SNX29: variants seen among roughly 807,000 people sequenced by gnomAD.
The protein encoded by SNX29 is sorting nexin 29, also known as sorting nexin-29.
SNX29 carries 78 observed loss-of-function variants against 102.1 expected under a neutral mutation model. The observed-to-expected ratio is 0.76, with a 90% confidence interval of 0.64 to 0.92. SNX29 has a LOEUF of 0.92. Ranked by LOEUF, SNX29 falls within the 40% of genes least tolerant of loss-of-function variation. The probability of loss-of-function intolerance (pLI) is 0.00; values close to 1 mark genes in which losing one functional copy is unlikely to be tolerated. For synonymous variants in SNX29, 580 were observed against 414.5 expected (o/e 1.40, Z -4.85); for missense variants, 1,280 against 1,061.7 (o/e 1.21, Z -2.86).
rs557090701 is a variant in SNX29 at position 12,277,830 on chromosome 16, C to T, written c.1679-103C>T. 606 of 911,362 alleles carry T rather than the reference C, an allele frequency of 6.6e-4. 2 individuals carry two copies. Among genetic ancestry groups the T allele is most frequent in the Non-Finnish European group, 5.3e-4 (309 of 585,480 alleles). The allele number at this position is 911,362 out of a possible 1,614,324, so 56.5% of individuals were successfully genotyped here. On this transcript the variant is annotated intron_variant, in intron 14 of 20. Coordinates refer to ENST00000566228, the MANE Select transcript of SNX29 (RefSeq NM_032167.5). ...TGTGTGTTTTTCTTGAGAGCTTTTT[C>T]AGTCTGAAGTCATCTGAGAAAGAAG...
At chr16:12,393,017 C>T (rs1028012916) in intron 16 of SNX29, among the ~76,000 whole-genome samples, 6 of 152,062 alleles carry the variant, frequency 3.9e-5, no homozygotes, top group Admixed American at 6.6e-5. Flanking sequence ...AGAAAGCAAG[C>T]GCATTGGTGG....
intron 18 of SNX29, among the ~76,000 whole-genome samples, chr16:12,406,004 AC>A: frequency 6.6e-6 from 1 of 152,114 alleles, no homozygotes; most frequent in East Asian, 1.9e-4. Context: ...TGCACTCCAG[AC>A]TGGGTGACAA....
At chr16:12,295,718 C>G (rs928967053) in intron 15 of SNX29, among the ~76,000 whole-genome samples, 1 of 152,154 alleles carries the variant, frequency 6.6e-6, no homozygotes, top group Non-Finnish European at 1.5e-5. Context: ...CAACTCTCTG[C>G]CCTGCTTTGA....
intron 8 of SNX29, among the ~76,000 whole-genome samples, chr16:12,054,850 C>G (rs986261593): frequency 2.0e-5 from 3 of 152,204 alleles, no homozygotes; most frequent in African/African-American, 7.2e-5. Flanking sequence ...CATATTATGA[C>G]TTGTGAAATG....
intron 18 of SNX29, among the ~76,000 whole-genome samples, chr16:12,429,149 G>A (rs1373260256): frequency 6.6e-6 from 1 of 152,022 alleles, no homozygotes; most frequent in Non-Finnish European, 1.5e-5. Flanking sequence ...ACATAGATAC[G>A]ATTGCAATTA....
intron 19 of SNX29, among the ~76,000 whole-genome samples, chr16:12,520,242 C>G (rs1255613467): frequency 1.3e-5 from 2 of 152,218 alleles, no homozygotes; most frequent in African/African-American, 4.8e-5. Context: ...ACCCAGGTGT[C>G]AGGCTTCCTC....
intron 16 of SNX29, among the ~76,000 whole-genome samples, chr16:12,383,895 C>G (rs773694863): frequency 6.6e-6 from 1 of 150,650 alleles, no homozygotes; most frequent in Non-Finnish European, 1.5e-5. Flanking sequence ...CCTCTGGTAA[C>G]TATCATTCTA....
intron 3 of SNX29, among the ~76,000 whole-genome samples, chr16:12,014,344 C>T (rs941424537): frequency 5.3e-5 from 8 of 152,090 alleles, no homozygotes; most frequent in African/African-American, 1.7e-4. Context: ...ATTCCTCATC[C>T]GCCAAGAGTA....
chr16:12,238,681 C>A (rs2078011852), intron 14 of SNX29, among the ~76,000 whole-genome samples: 1 of 152,212 alleles, frequency 6.6e-6, no homozygotes, highest in African/African-American at 2.4e-5. Context: ...CATTGCAAAC[C>A]ATGCCAATAA....
chr16:12,536,347 A>G (rs1191612201), intron 20 of SNX29, among the ~76,000 whole-genome samples: 1 of 152,100 alleles, frequency 6.6e-6, no homozygotes, highest in African/African-American at 2.4e-5. Flanking sequence ...AACAAGCCGT[A>G]CTGTCAGGGT....
chr16:12,180,633 G>T (rs1007934176), intron 13 of SNX29, among the ~76,000 whole-genome samples: 2 of 152,022 alleles, frequency 1.3e-5, no homozygotes, highest in East Asian at 3.9e-4. Flanking sequence ...ACAGGCGCCC[G>T]CCACCACGTC....
chr16:12,376,814 A>G (rs994336764), intron 16 of SNX29, among the ~76,000 whole-genome samples: 2 of 151,274 alleles, frequency 1.3e-5, no homozygotes, highest in African/African-American at 2.4e-5. Context: ...CTCTTCTTCA[A>G]TAACGTACTT....
At chr16:12,293,932 C>A (rs76961157) in intron 15 of SNX29, among the ~76,000 whole-genome samples, 5,003 of 152,252 alleles carry the variant, frequency 0.033, 110 homozygotes, top group Middle Eastern at 0.082. Flanking sequence ...CTCTGTGTGG[C>A]GGTATTACTC....
intron 9 of SNX29, among the ~76,000 whole-genome samples, chr16:12,063,170 G>A (rs2151276175): frequency 6.6e-6 from 1 of 152,208 alleles, no homozygotes; most frequent in East Asian, 1.9e-4. Flanking sequence ...GGCGCCTTGA[G>A]TTAATCTGGG....
chr16:12,129,801 T>C, intron 13 of SNX29, 43 bp downstream of exon 13: 2 of 1,555,750 alleles, frequency 1.3e-6, no homozygotes, highest in South Asian at 1.2e-5. Flanking sequence ...CGTGGGGGCT[T>C]CATTAAAACC....
Position 12,088,048 on chromosome 16 carries a change from G to C in SNX29, c.1402+9133G>C, listed in dbSNP as rs1213006292. 1.5e-5 allele frequency: 7 copies of C among 456,590 alleles called. No individual in the cohort carries two copies. The Admixed American group carries it at 1.6e-4, about 11-fold the overall frequency. The allele number at this position is 456,590 out of a possible 1,614,324, so 28.3% of individuals were successfully genotyped here. On this transcript the variant is annotated intron_variant, in intron 11 of 20. Coordinates refer to ENST00000566228, the MANE Select transcript of SNX29 (RefSeq NM_032167.5). ...CCTGTCTCGTTCTGGCTTTGCTTGT[G>C]TCTCTAGGCTAGGCTGCATGACTGG...
chr16:12,436,587 C>T (rs1174160410), intron 18 of SNX29, among the ~76,000 whole-genome samples: 2 of 152,242 alleles, frequency 1.3e-5, no homozygotes, highest in Non-Finnish European at 2.9e-5. Flanking sequence ...TCCCCTGGTG[C>T]CTGGAAGGAC....
chr16:12,352,325 A>G (rs902329157), intron 15 of SNX29, among the ~76,000 whole-genome samples: 4 of 148,838 alleles, frequency 2.7e-5, no homozygotes, highest in African/African-American at 9.9e-5. Context: ...ATGAGAACAC[A>G]TGGACACAGG....
At chr16:12,185,299 G>A (rs890468567) in intron 13 of SNX29, among the ~76,000 whole-genome samples, 3 of 152,196 alleles carry the variant, frequency 2.0e-5, no homozygotes, top group African/African-American at 7.2e-5. Context: ...GTCTAAAGGG[G>A]CATCAAGTCC....
Sources: gnomAD v4.1 joint callset for allele counts (sites outside exome capture counted in the v4.1 genomes callset) on GRCh38, gnomAD v4.1.1 for gene constraint, MANE v1.5 for transcripts, NCBI Gene and HGNC (gene_info 2026-07-23, HGNC 2026-07-21) for gene names.